HTR2C: variants seen among roughly 807,000 people sequenced by gnomAD.
HTR2C encodes 5-hydroxytryptamine receptor 2C, also known as 5-hydroxytryptamine (serotonin) receptor 2C, G protein-coupled.
Under a neutral mutation model 21.0 loss-of-function variants are expected in HTR2C, and 5 were observed. The observed-to-expected ratio is 0.24, with a 90% CI of 0.12 to 0.50. The LOEUF (loss-of-function observed/expected upper bound fraction) is 0.50. Among genes scored for constraint, HTR2C ranks in the 20% least tolerant of loss-of-function variants. The pLI, the probability that HTR2C is intolerant of heterozygous loss-of-function variation, is 0.98. For synonymous variants in HTR2C, 150 were observed against 145.3 expected, an observed-to-expected ratio of 1.03 and a Z score of -0.23; for missense variants, 271 against 371.2, an observed-to-expected ratio of 0.73 and a Z score of 2.22.
Position 114,761,960 on chromosome X carries a change from CAT to C in HTR2C, c.349+30358_349+30359del, listed in dbSNP as rs10585618. Among the ~76,000 whole-genome samples the C allele has an allele frequency of 4.0e-3, 319 of 80,590 alleles. 7 individuals carry two copies. The highest frequency in any genetic ancestry group is 0.016 in the East Asian group (39 of 2,500). 70.0% of individuals were successfully genotyped at this position (80,590 alleles called of 115,157 possible). On this transcript the variant is annotated intron_variant, in intron 4 of 5. Coordinates refer to ENST00000276198, the MANE Select transcript of HTR2C (RefSeq NM_000868.4). ...ATGTGTATATATACGTGTATATATA[CAT>C]ATATGTGTATATATACGTGTATATA... is the stretch of plus-strand genomic sequence containing the variant.
intron 2 of HTR2C, among the ~76,000 whole-genome samples, chrX:114,665,708 A>G (rs782806334): frequency 1.1e-4 from 12 of 111,718 alleles, no homozygotes; most frequent in African/African-American, 3.6e-4. Flanking sequence ...AAAGGTCTTC[A>G]TTCTCATCAT....
intron 2 of HTR2C, among the ~76,000 whole-genome samples, chrX:114,623,897 T>TTTG (rs1556402286): frequency 1.2e-5 from 1 of 85,594 alleles, no homozygotes; most frequent in African/African-American, 4.2e-5. Flanking sequence ...TGTCTCTTTT[T>TTTG]TTGTTGTTGT....
At chrX:114,838,298 C>T (rs1324322768) in intron 4 of HTR2C, among the ~76,000 whole-genome samples, 10 of 111,593 alleles carry the variant, frequency 9.0e-5, no homozygotes, top group Non-Finnish European at 1.5e-4. Context: ...ACTTTCATGG[C>T]TATTCATCTT....
intron 5 of HTR2C, among the ~76,000 whole-genome samples, chrX:114,853,825 T>A (rs1211210440): frequency 8.9e-6 from 1 of 112,123 alleles, no homozygotes; most frequent in Non-Finnish European, 1.9e-5. Flanking sequence ...GAAAGTTTAA[T>A]TTTCCATATT....
chrX:114,656,527 G>A (rs782048540), intron 2 of HTR2C, among the ~76,000 whole-genome samples: 6 of 111,141 alleles, frequency 5.4e-5, no homozygotes, highest in African/African-American at 6.5e-5. Flanking sequence ...AAAAAGGAAG[G>A]AGAAATGGAG....
intron 2 of HTR2C, among the ~76,000 whole-genome samples, chrX:114,627,348 G>T (rs781963638): frequency 3.5e-3 from 381 of 110,353 alleles, no homozygotes; most frequent in African/African-American, 0.012. Flanking sequence ...GTGGACTAAG[G>T]TATCTGGAAA....
chrX:114,775,035 G>GCC, intron 4 of HTR2C: 1 of 482,838 alleles, frequency 2.1e-6, no homozygotes, highest in Non-Finnish European at 3.8e-6. Context: ...CCAGCCATTT[G>GCC]ATAACTTCAT....
chrX:114,852,836 T>G (rs2070930521), intron 5 of HTR2C, among the ~76,000 whole-genome samples: 1 of 109,406 alleles, frequency 9.1e-6, no homozygotes, highest in African/African-American at 3.3e-5. Context: ...CTTGTGTGTT[T>G]GTGTGCGCGC....
intron 4 of HTR2C, among the ~76,000 whole-genome samples, chrX:114,842,938 A>G (rs1161642727): frequency 8.9e-6 from 1 of 111,944 alleles, no homozygotes; most frequent in Non-Finnish European, 1.9e-5. Context: ...GTTTTGAAAA[A>G]TCACTAAACA....
chrX:114,739,348 A>G (rs2147353858), intron 4 of HTR2C, among the ~76,000 whole-genome samples: 1 of 111,919 alleles, frequency 8.9e-6, no homozygotes, highest in East Asian at 2.8e-4. Flanking sequence ...AAGTATAACC[A>G]TCTCTTTTTC....
intron 2 of HTR2C, among the ~76,000 whole-genome samples, chrX:114,670,394 C>CAAAAAAAA (rs35858180): frequency 0.012 from 748 of 63,436 alleles, 18 homozygotes; most frequent in African/African-American, 0.044. Context: ...TACTCTGTCT[C>CAAAAAAAA]AAAAAAAAAA....
At chrX:114,871,807 G>GTT (rs35528456) in intron 5 of HTR2C, among the ~76,000 whole-genome samples, 130 of 97,473 alleles carry the variant, frequency 1.3e-3, no homozygotes, top group African/African-American at 4.5e-3. Flanking sequence ...TTAGTGGAAA[G>GTT]TTTTTTTTTT....
Position 114,775,527 on chromosome X carries a change from T to C in HTR2C, c.349+43920T>C, listed in dbSNP as rs1232074108. On this transcript the variant is annotated intron_variant, in intron 4 of 5. Transcript: ENST00000276198. ...CTGCTTGGTAGGAATGGTAGTACTA[T>C]GCTTGATGAGGACAGGAGGACAGTC... 30 of 494,307 alleles carry C rather than the reference T, an allele frequency of 6.1e-5. No homozygotes were observed. The Admixed American group carries it at 7.4e-4, about 12-fold the overall frequency. The allele number at this position is 494,307 out of a possible 1,213,427, so 40.7% of individuals were successfully genotyped here. A position where few individuals can be genotyped will look rare whatever the true frequency, so the allele number is the denominator to read the frequency against.
At chrX:114,800,704 G>C (rs2070337455) in intron 4 of HTR2C, among the ~76,000 whole-genome samples, 1 of 111,578 alleles carries the variant, frequency 9.0e-6, no homozygotes, top group South Asian at 3.7e-4. Flanking sequence ...CGTAAAAATA[G>C]ATATTACTAG....
At chrX:114,827,977 T>G (rs1420638504) in intron 4 of HTR2C, among the ~76,000 whole-genome samples, 3 of 110,846 alleles carry the variant, frequency 2.7e-5, no homozygotes, top group African/African-American at 9.8e-5. Flanking sequence ...CTTAAATCTG[T>G]AAATTTTTTC....
intron 1 of HTR2C, among the ~76,000 whole-genome samples, chrX:114,602,303 TTTGG>T (rs1170427437): frequency 6.6e-5 from 1 of 15,217 alleles, no homozygotes; most frequent in African/African-American, 2.4e-4. Context: ...CAAGTTTTTT[TTTGG>T]GGGGGCACAG....
chrX:114,741,391 C>T lies in HTR2C; in HGVS notation c.349+9784C>T, dbSNP rs1391717754. ...AAAATTAGCCAGGCGTGGTGACACA[C>T]GCCTGTAGTCCCAGCTACTCAGGAG... is the stretch of plus-strand genomic sequence containing the variant. On this transcript the variant is annotated intron_variant, in intron 4 of 5. Coordinates refer to ENST00000276198, the MANE Select transcript of HTR2C (RefSeq NM_000868.4). Among the ~76,000 whole-genome samples, 8 of 104,385 alleles carry T rather than the reference C, an allele frequency of 7.7e-5. No homozygotes were observed. The East Asian group carries it at 9.2e-4, about 12-fold the overall frequency. The allele number at this position is 104,385 out of a possible 115,157, so 90.6% of individuals were successfully genotyped here.
chrX:114,783,086 T>G (rs2070136342), intron 4 of HTR2C, among the ~76,000 whole-genome samples: 3 of 111,593 alleles, frequency 2.7e-5, no homozygotes, highest in Non-Finnish European at 5.6e-5. Context: ...AACCCAATGA[T>G]ATCAGTATTT....
At chrX:114,746,768 G>A (rs922352318) in intron 4 of HTR2C, among the ~76,000 whole-genome samples, 15 of 110,794 alleles carry the variant, frequency 1.4e-4, no homozygotes, top group Non-Finnish European at 2.6e-4. Context: ...GGTGGATCAC[G>A]AGGTGAGGAG....
Sources: allele counts gnomAD v4.1 joint callset (sites outside exome capture counted in the v4.1 genomes callset), GRCh38; gene constraint gnomAD v4.1.1; transcripts MANE v1.5; gene names NCBI Gene and HGNC (gene_info 2026-07-23, HGNC 2026-07-21).